CDK6: variants seen among roughly 807,000 people sequenced by gnomAD.
CDK6 encodes cyclin dependent kinase 6.
In CDK6, 6 loss-of-function variants were observed where a neutral mutation model predicts 37.1. That is an observed-to-expected ratio of 0.16 (90% CI 0.09 to 0.32). The LOEUF (loss-of-function observed/expected upper bound fraction) is 0.32, where lower values mean the gene tolerates loss of function less well. Among genes scored for constraint, CDK6 ranks in the 10% least tolerant of loss-of-function variants. The probability of loss-of-function intolerance (pLI) is 1.00; values close to 1 mark genes in which losing one functional copy is unlikely to be tolerated. For synonymous variants in CDK6, 160 were observed against 161.3 expected (o/e 0.99, Z 0.06); for missense variants, 224 against 418.9 (o/e 0.53, Z 4.06).
rs967988958 is a variant in CDK6, at chr7:92,607,892, A to G, written c.*7248T>C. 7.3e-5 allele frequency: 17 copies of G among 233,470 alleles called. No homozygotes were observed. The highest frequency in any genetic ancestry group is 2.4e-4 in the African/African-American group (11 of 45,466). The allele number at this position is 233,470 out of a possible 1,614,324, so 14.5% of individuals were successfully genotyped here. A position where few individuals can be genotyped will look rare whatever the true frequency, so the allele number is the denominator to read the frequency against. On this transcript the variant is annotated 3_prime_UTR_variant, in exon 8 of 8. Transcript: ENST00000424848. ...AAACACAGGATCAGAATGAAAAGAT[A>G]TATCATGCACTGTGAGGTTTAAGAA... is the stretch of plus-strand genomic sequence containing the variant.
chr7:92,620,177 C>T (rs975336546), intron 6 of CDK6, among the ~76,000 whole-genome samples: 1 of 152,178 alleles, frequency 6.6e-6, no homozygotes, highest in Admixed American at 6.5e-5. Flanking sequence ...ATATGATCAA[C>T]TGAATGCCAA....
At chr7:92,741,695 T>TA (rs1310804478) in intron 3 of CDK6, among the ~76,000 whole-genome samples, 3 of 151,954 alleles carry the variant, frequency 2.0e-5, no homozygotes, top group African/African-American at 7.2e-5. Context: ...CTTTAGAAAA[T>TA]AAAAAAATGT....
At chr7:92,801,651 TTCTC>T (rs1411797072) in intron 2 of CDK6, among the ~76,000 whole-genome samples, 1 of 151,882 alleles carries the variant, frequency 6.6e-6, no homozygotes, top group African/African-American at 2.4e-5. Context: ...CCTTCTCTCT[TTCTC>T]TCTTTCTTTC....
chr7:92,761,892 C>T (rs1433195734), intron 3 of CDK6, among the ~76,000 whole-genome samples: 1 of 152,204 alleles, frequency 6.6e-6, no homozygotes, highest in Non-Finnish European at 1.5e-5. Context: ...TGTTTTACTT[C>T]CTTCCAAGTT....
At chr7:92,618,967 C>T (rs1157353407) in intron 6 of CDK6, among the ~76,000 whole-genome samples, 2 of 152,098 alleles carry the variant, frequency 1.3e-5, no homozygotes, top group African/African-American at 4.8e-5. Context: ...CACTTACTGG[C>T]AGGTAAGGAC....
chr7:92,723,143 T>C (rs533053970), intron 4 of CDK6, among the ~76,000 whole-genome samples: 16 of 152,158 alleles, frequency 1.1e-4, no homozygotes, highest in African/African-American at 3.9e-4. Context: ...GCCACTGCCC[T>C]CCAGCCTGGG....
At chr7:92,818,045 G>T (rs948276739) in intron 2 of CDK6, among the ~76,000 whole-genome samples, 2 of 151,874 alleles carry the variant, frequency 1.3e-5, no homozygotes, top group Non-Finnish European at 2.9e-5. Context: ...CTATGCCTTC[G>T]CCCTAATTAA....
At chr7:92,744,320 GATA>G (rs1333889668) in intron 3 of CDK6, among the ~76,000 whole-genome samples, 1 of 152,172 alleles carries the variant, frequency 6.6e-6, no homozygotes, top group African/African-American at 2.4e-5. Flanking sequence ...GCAGGGAAGA[GATA>G]ATGAAAGCCA....
intron 6 of CDK6, among the ~76,000 whole-genome samples, chr7:92,618,915 G>T (rs374160029): frequency 1.3e-5 from 2 of 152,272 alleles, no homozygotes; most frequent in African/African-American, 2.4e-5. Context: ...ATAAGCACAG[G>T]CTTCGGAAAT....
intron 4 of CDK6, among the ~76,000 whole-genome samples, chr7:92,713,384 C>G (rs1321807386): frequency 6.6e-6 from 1 of 152,052 alleles, no homozygotes; most frequent in Non-Finnish European, 1.5e-5. Context: ...ATGCAAATTA[C>G]TTGATTTTAC....
rs1585336814 is a variant in CDK6, at chr7:92,614,913, A to G, written c.*227T>C. 2.2e-6 allele frequency: 1 copy of G among 449,404 alleles called. No individual in the cohort carries two copies. The highest frequency in any genetic ancestry group is 3.9e-6 in the Non-Finnish European group (1 of 253,192). The allele number at this position is 449,404 out of a possible 1,614,324, so 27.8% of individuals were successfully genotyped here. ...GAATTTTTCCAGGTTCTTGAAACAAACAGACAAACAAACAAACAAATGAAC... is the reference window on the plus strand; with the variant it reads ...GAATTTTTCCAGGTTCTTGAAACAAGCAGACAAACAAACAAACAAATGAAC... On this transcript the variant is annotated 3_prime_UTR_variant, in exon 8 of 8. Coordinates refer to ENST00000424848, the MANE Select transcript of CDK6 (RefSeq NM_001145306.2).
At chr7:92,644,844 A>C (rs1431298902) in intron 5 of CDK6, among the ~76,000 whole-genome samples, 1 of 152,182 alleles carries the variant, frequency 6.6e-6, no homozygotes, top group African/African-American at 2.4e-5. Flanking sequence ...AACTGACCGA[A>C]GCTGTCACCA....
At chr7:92,803,174 T>C (rs1800628895) in intron 2 of CDK6, among the ~76,000 whole-genome samples, 1 of 152,214 alleles carries the variant, frequency 6.6e-6, no homozygotes, top group Admixed American at 6.5e-5. Context: ...ATCAACCACA[T>C]AATAAGCACT....
intron 5 of CDK6, among the ~76,000 whole-genome samples, chr7:92,653,199 T>C (rs762537629): frequency 6.6e-6 from 1 of 152,202 alleles, no homozygotes; most frequent in Non-Finnish European, 1.5e-5. Context: ...ATTCCATGGA[T>C]TGTCTCCCCT....
At chr7:92,700,606 G>C (rs1302096469) in intron 4 of CDK6, among the ~76,000 whole-genome samples, 1 of 152,206 alleles carries the variant, frequency 6.6e-6, no homozygotes. Flanking sequence ...AAGATATTTG[G>C]GTCTGGGGCT....
chr7:92,778,946 T>TATATATATAAAA (rs1479181745), intron 2 of CDK6, among the ~76,000 whole-genome samples: 6 of 135,006 alleles, frequency 4.4e-5, no homozygotes, highest in African/African-American at 1.8e-4. Flanking sequence ...TATATATATA[T>TATATATATAAAA]AAGATATTAT....
intron 5 of CDK6, among the ~76,000 whole-genome samples, chr7:92,655,218 C>T (rs531932693): frequency 4.6e-4 from 70 of 151,854 alleles, no homozygotes; most frequent in Middle Eastern, 3.4e-3. Flanking sequence ...TATTTCACTG[C>T]CAGTCTTAGT....
intron 2 of CDK6, among the ~76,000 whole-genome samples, chr7:92,777,712 CAG>C (rs1213057435): frequency 2.0e-5 from 3 of 152,172 alleles, no homozygotes; most frequent in Non-Finnish European, 4.4e-5. Context: ...CTTGGCTATA[CAG>C]ACTCTTTTTT....
chr7:92,832,570 G>T (rs1254393720), intron 2 of CDK6, among the ~76,000 whole-genome samples: 1 of 152,206 alleles, frequency 6.6e-6, no homozygotes, highest in East Asian at 1.9e-4. Context: ...CTGAGAGTAT[G>T]ACTGGCAAAA....
Sources: allele counts gnomAD v4.1 joint callset (sites outside exome capture counted in the v4.1 genomes callset), GRCh38; gene constraint gnomAD v4.1.1; transcripts MANE v1.5; gene names NCBI Gene and HGNC (gene_info 2026-07-23, HGNC 2026-07-21).